CPPED1: variants seen among roughly 807,000 people sequenced by gnomAD.
CPPED1 encodes calcineurin like phosphoesterase domain containing 1, also known as serine/threonine-protein phosphatase CPPED1.
In CPPED1, 28 loss-of-function variants were observed where a neutral mutation model predicts 28.0. The observed-to-expected ratio is 1.00, with a 90% confidence interval of 0.74 to 1.37. The LOEUF (loss-of-function observed/expected upper bound fraction) is 1.37, where lower values mean the gene tolerates loss of function less well. Ranked by LOEUF, CPPED1 falls within the 40% of genes most tolerant of loss-of-function variation. The pLI is 0.00. For missense variants in CPPED1, 504 were observed against 416.5 expected, an observed-to-expected ratio of 1.21 and a Z score of -1.83; for synonymous variants, 198 against 180.2, an observed-to-expected ratio of 1.10 and a Z score of -0.79.
chr16:12,734,419 G>T (rs369407046), intron 2 of CPPED1, among the ~76,000 whole-genome samples: 1 of 146,958 alleles, frequency 6.8e-6, no homozygotes, highest in Non-Finnish European at 1.5e-5. Context: ...CGCTCTTGTC[G>T]CCCAGGCTGG....
At chr16:12,768,199 T>A (rs1393402694) in intron 2 of CPPED1, among the ~76,000 whole-genome samples, 1 of 152,196 alleles carries the variant, frequency 6.6e-6, no homozygotes, top group Non-Finnish European at 1.5e-5. Context: ...TGTCTTCCTA[T>A]ATGAACTTTT....
At chr16:12,769,404 C>G (rs1220955166) in intron 2 of CPPED1, among the ~76,000 whole-genome samples, 3 of 152,050 alleles carry the variant, frequency 2.0e-5, no homozygotes, top group Admixed American at 6.6e-5. Flanking sequence ...GAATCCGAGG[C>G]ACAAAATGGG....
intron 1 of CPPED1, among the ~76,000 whole-genome samples, 175 bp downstream of exon 1, chr16:12,803,532 A>T (rs1413550572): frequency 1.3e-5 from 2 of 152,204 alleles, no homozygotes; most frequent in African/African-American, 4.8e-5. Context: ...TCGCCTCTCA[A>T]CTGCGCCCCT....
At chr16:12,768,664 G>A (rs79378978) in intron 2 of CPPED1, among the ~76,000 whole-genome samples, 2,727 of 152,250 alleles carry the variant, frequency 0.018, 75 homozygotes, top group African/African-American at 0.063. Context: ...TGTGAACTTC[G>A]ATGGGAGGAA....
At chr16:12,684,774 C>A (rs531144361) in intron 3 of CPPED1, among the ~76,000 whole-genome samples, 2 of 152,252 alleles carry the variant, frequency 1.3e-5, no homozygotes, top group East Asian at 3.9e-4. Flanking sequence ...GAATACTCAT[C>A]CCCAGGATGA....
rs530051463 is a variant in CPPED1 at position 12,670,839 on chromosome 16, A to C, written c.716-5724T>G. Among the ~76,000 whole-genome samples the C allele has an allele frequency of 2.6e-5, 4 of 152,188 alleles. No individual in the cohort carries two copies. In the East Asian group the frequency reaches 7.7e-4, roughly 29 times the overall value. On this transcript the variant is annotated intron_variant, in intron 3 of 3. Coordinates refer to ENST00000381774, the MANE Select transcript of CPPED1 (RefSeq NM_018340.3). This position sits in a 1 kb window ranked among gnomAD's most constrained non-coding sequence, Gnocchi z 4.2. ...ATGATCCATGTGTTTTTATTTTTTT[A>C]ATTATTTATTTATTTTTAATATATT...
chr16:12,694,890 G>A (rs2079982204), intron 3 of CPPED1, among the ~76,000 whole-genome samples: 1 of 151,900 alleles, frequency 6.6e-6, no homozygotes, highest in Admixed American at 6.6e-5. Context: ...CGATTCTCCT[G>A]CTTCAGCCTC....
chr16:12,740,190 T>C (rs1240062836), intron 2 of CPPED1, among the ~76,000 whole-genome samples: 1 of 152,184 alleles, frequency 6.6e-6, no homozygotes, highest in Admixed American at 6.6e-5. Flanking sequence ...CTCATGGCTG[T>C]AATCCCAGCA....
intron 3 of CPPED1, among the ~76,000 whole-genome samples, chr16:12,703,347 C>A (rs958553846): frequency 7.2e-5 from 11 of 152,192 alleles, no homozygotes; most frequent in Non-Finnish European, 1.6e-4. Context: ...GCACTGTATT[C>A]CCAGATGGGA....
intron 3 of CPPED1, among the ~76,000 whole-genome samples, chr16:12,696,477 G>A (rs1394197217): frequency 2.1e-5 from 3 of 141,436 alleles, no homozygotes; most frequent in Non-Finnish European, 4.5e-5. Flanking sequence ...GTGTCACTCA[G>A]TCGCCCAGGG....
intron 3 of CPPED1, among the ~76,000 whole-genome samples, chr16:12,691,970 TA>T (rs949388158): frequency 8.4e-5 from 12 of 142,274 alleles, no homozygotes; most frequent in African/African-American, 1.4e-4. Context: ...TAATACAAAA[TA>T]AAAAAAAAAC....
intron 3 of CPPED1, among the ~76,000 whole-genome samples, chr16:12,700,015 A>G (rs2080012247): frequency 6.6e-6 from 1 of 152,232 alleles, no homozygotes; most frequent in Admixed American, 6.5e-5. Flanking sequence ...TTCCAAGCCC[A>G]GCAAGTCTAT....
At chr16:12,680,377 C>T (rs544161098) in intron 3 of CPPED1, among the ~76,000 whole-genome samples, 10 of 152,150 alleles carry the variant, frequency 6.6e-5, no homozygotes, top group African/African-American at 2.4e-4. Context: ...GAAGGTGGAA[C>T]AAAAGCTTTC....
At chr16:12,668,239 AT>A (rs2079836036) in intron 3 of CPPED1, among the ~76,000 whole-genome samples, 1 of 152,236 alleles carries the variant, frequency 6.6e-6, no homozygotes, top group Non-Finnish European at 1.5e-5. Context: ...ATATTAAAAA[AT>A]AATGATGACC....
chr16:12,777,188 A>C (rs1295423639), intron 2 of CPPED1, among the ~76,000 whole-genome samples: 1 of 152,250 alleles, frequency 6.6e-6, no homozygotes, highest in Non-Finnish European at 1.5e-5. Flanking sequence ...CTCTTCAAGG[A>C]AACTTTATAT....
At chr16:12,666,108 C>T (rs2079824462) in intron 3 of CPPED1, among the ~76,000 whole-genome samples, 1 of 152,022 alleles carries the variant, frequency 6.6e-6, no homozygotes, top group South Asian at 2.1e-4. Context: ...AAGAGCAAGA[C>T]TCCATCTCAA....
chr16:12,768,311 T>G (rs1254759346), intron 2 of CPPED1, among the ~76,000 whole-genome samples: 2 of 152,244 alleles, frequency 1.3e-5, no homozygotes, highest in Non-Finnish European at 2.9e-5. Flanking sequence ...CGAGGCTCTC[T>G]GTTTTCACTT....
At chr16:12,718,902 G>A (rs1343608622) in intron 2 of CPPED1, among the ~76,000 whole-genome samples, 4 of 152,184 alleles carry the variant, frequency 2.6e-5, no homozygotes, top group Admixed American at 1.3e-4. Context: ...GGGGTAGGTT[G>A]CAGTGAGCTG....
chr16:12,741,721 G>T (rs940654482), intron 2 of CPPED1, among the ~76,000 whole-genome samples: 1 of 152,120 alleles, frequency 6.6e-6, no homozygotes, highest in Admixed American at 6.5e-5. Context: ...GTCTATGTGC[G>T]TGCCTCTCTC....
Sources: gnomAD v4.1 joint callset for allele counts (sites outside exome capture counted in the v4.1 genomes callset) on GRCh38, gnomAD v4.1.1 for gene constraint, Gnocchi (gnomAD v3.1) non-coding constraint, MANE v1.5 for transcripts, NCBI Gene and HGNC (gene_info 2026-07-23, HGNC 2026-07-21) for gene names.